The following TMEM114 variants were observed in gnomAD, a reference collection of about 807,000 sequenced individuals.
TMEM114 encodes transmembrane protein 114, also known as claudin-26.
TMEM114 carries 6 observed loss-of-function variants against 6.2 expected under a neutral mutation model. The ratio of observed to expected loss-of-function variants is 0.97; its 90% CI spans 0.53 to 1.91. The LOEUF (loss-of-function observed/expected upper bound fraction) is 1.91. Among genes scored for constraint, TMEM114 ranks in the 40% most tolerant of loss-of-function variants. The probability of loss-of-function intolerance (pLI) is 0.01; values close to 1 mark genes in which losing one functional copy is unlikely to be tolerated. For missense variants in TMEM114, 218 were observed against 158.3 expected, an observed-to-expected ratio of 1.38 and a Z score of -2.02; for synonymous variants, 104 against 73.0, an observed-to-expected ratio of 1.42 and a Z score of -2.16.
At chr16:8,560,890 G>T (rs1045917309) in intron 2 of TMEM114, among the ~76,000 whole-genome samples, 9 of 152,192 alleles carry the variant, frequency 5.9e-5, no homozygotes, top group African/African-American at 9.7e-5. Context: ...AAGAAAAAGA[G>T]ATTTAATGGA....
chr16:8,589,773 G>C lies in TMEM114; in HGVS notation c.66C>G (p.Leu22=). ...AALTGALSFV[L]LAAAIGTDFW... ...AGTCCGTGCCGATGGCGGCCGCCAG[G>C]AGCACAAAGCTGAGCGCCCCGGTCA... The change falls in exon 1 of 4, where the codon CTC becomes CTG. Residue 22 remains leucine, a synonymous_variant. Transcript: ENST00000620492. 2.5e-6 allele frequency: 1 copy of C among 398,530 alleles called. No homozygotes were observed. Among genetic ancestry groups the C allele is most frequent in the Non-Finnish European group, 4.4e-6 (1 of 226,054 alleles). 24.7% of individuals were successfully genotyped at this position (398,530 alleles called of 1,614,324 possible).
At chr16:8,541,975 C>T (rs985149535) in intron 2 of TMEM114, among the ~76,000 whole-genome samples, 3 of 152,142 alleles carry the variant, frequency 2.0e-5, no homozygotes, top group Non-Finnish European at 4.4e-5. Context: ...ATGAACTTTA[C>T]CTCTAAGGGA....
downstream of TMEM114, chr16:8,569,415 C>A: frequency 1.4e-5 from 15 of 1,078,108 alleles, no homozygotes; most frequent in Non-Finnish European, 1.6e-5. Flanking sequence ...CCCAGACCCA[C>A]CAAGGAGCTG....
At chr16:8,559,243 G>C (rs934588758) in intron 2 of TMEM114, among the ~76,000 whole-genome samples, 2 of 151,682 alleles carry the variant, frequency 1.3e-5, no homozygotes, top group African/African-American at 2.4e-5. Context: ...GGGTTTCACC[G>C]TGTTGGCCAG....
At chr16:8,549,163 C>A (rs112126536) in intron 2 of TMEM114, among the ~76,000 whole-genome samples, 10,132 of 115,086 alleles carry the variant, frequency 0.088, 437 homozygotes, top group South Asian at 0.19. Flanking sequence ...GCCTGGGCAA[C>A]AGAACGAGAC....
intron 2 of TMEM114, among the ~76,000 whole-genome samples, chr16:8,559,745 G>C (rs576495011): frequency 2.0e-4 from 30 of 152,186 alleles, no homozygotes; most frequent in Non-Finnish European, 3.8e-4. Context: ...GCTGAGCCCT[G>C]CAGTTGCGAT....
At chr16:8,564,235 TAGTGAATGAGTGAGTG>T (rs1421607231) in intron 2 of TMEM114, among the ~76,000 whole-genome samples, 35 of 48,708 alleles carry the variant, frequency 7.2e-4, no homozygotes, top group Admixed American at 1.1e-3. Context: ...ATGAGTGAGT[TAGTGAATGAGTGAGTG>T]AGTGAATGAG....
intron 2 of TMEM114, among the ~76,000 whole-genome samples, chr16:8,579,284 G>A (rs1481958289): frequency 1.3e-5 from 2 of 152,100 alleles, no homozygotes; most frequent in South Asian, 4.1e-4. Flanking sequence ...TCTTACCCCA[G>A]GAACATCAAA....
intron 3 of TMEM114, 107 bp from the exon 4 acceptor site, chr16:8,570,112 G>T (rs1348441533): frequency 1.4e-6 from 2 of 1,392,610 alleles, no homozygotes; most frequent in Non-Finnish European, 1.9e-6. Context: ...CAGCGTCCTC[G>T]CTCCTTCCTG....
downstream of TMEM114, among the ~76,000 whole-genome samples, chr16:8,533,820 G>T (rs1341895812): frequency 1.3e-5 from 2 of 152,174 alleles, no homozygotes; most frequent in African/African-American, 4.8e-5. Flanking sequence ...GTCTCAGATG[G>T]GTTTCCTGTG....
rs182684917 is a variant in TMEM114, at chr16:8,574,141, G to A, written c.302-1917C>T. On this transcript the variant is annotated intron_variant, in intron 2 of 3. Coordinates refer to ENST00000620492, the MANE Select transcript of TMEM114 (RefSeq NM_001146336.2). ...GATGAAGAATATAGACGTCAGAGCCGGATTATTTGCACTCTAATTCAGGCT... is the reference window on the plus strand; with the variant it reads ...GATGAAGAATATAGACGTCAGAGCCAGATTATTTGCACTCTAATTCAGGCT... Among the ~76,000 whole-genome samples, 359 of 152,194 alleles carry A rather than the reference G, an allele frequency of 2.4e-3. 1 individual carries two copies. The highest frequency in any genetic ancestry group is 0.011 in the South Asian group (51 of 4,820).
chr16:8,565,070 T>C (rs530781875), downstream of TMEM114, among the ~76,000 whole-genome samples: 5 of 151,948 alleles, frequency 3.3e-5, no homozygotes, highest in African/African-American at 1.2e-4. Flanking sequence ...AGTGAATGAG[T>C]GAGTGAGTGA....
intron 2 of TMEM114, among the ~76,000 whole-genome samples, chr16:8,558,758 T>C (rs1345312606): frequency 1.5e-5 from 2 of 135,742 alleles, no homozygotes; most frequent in South Asian, 2.4e-4. Flanking sequence ...TTTTTTTTTT[T>C]CGACATGGAG....
intron 2 of TMEM114, among the ~76,000 whole-genome samples, chr16:8,545,072 C>A (rs13331113): frequency 0.62 from 93,585 of 151,858 alleles, 29,853 homozygotes; most frequent in African/African-American, 0.76. Flanking sequence ...TCTTTTGTTT[C>A]ATCAGGCCTA....
chr16:8,561,836 ATGAG>A (rs1318537909), intron 2 of TMEM114, among the ~76,000 whole-genome samples: 2 of 150,994 alleles, frequency 1.3e-5, no homozygotes, highest in African/African-American at 2.5e-5. Flanking sequence ...GAGTGAGTGA[ATGAG>A]TGAGTGAATG....
intron 2 of TMEM114, among the ~76,000 whole-genome samples, chr16:8,549,087 C>T (rs141700145): frequency 1.5e-3 from 219 of 144,702 alleles, no homozygotes; most frequent in African/African-American, 5.3e-3. Context: ...GAGGCTGAGG[C>T]AGGAGAATGG....
At chr16:8,543,407 C>T (rs1790911415) in intron 2 of TMEM114, among the ~76,000 whole-genome samples, 1 of 151,902 alleles carries the variant, frequency 6.6e-6, no homozygotes, top group Admixed American at 6.6e-5. Context: ...ACCTGCTTTC[C>T]CTACCTACCA....
chr16:8,546,018 G>C (rs1449740009), intron 2 of TMEM114, among the ~76,000 whole-genome samples: 2 of 152,188 alleles, frequency 1.3e-5, no homozygotes. Flanking sequence ...TGGAGGCTGA[G>C]GCGGGAGGAT....
Position 8,569,862 on chromosome 16 carries a change from T to C in TMEM114, c.583A>G (p.Ser195Gly), listed in dbSNP as rs1901668942. Reference sequence around the variant, plus strand: ...CCGGTGAGCAGCTCGGCGATGAAGCTGATCCAGCCCAGGGCCAGGGACCAG... The same window carrying C: ...CCGGTGAGCAGCTCGGCGATGAAGCCGATCCAGCCCAGGGCCAGGGACCAG... ...FGWSLALGWI[S>G]FIAELLTGAA... The change falls in exon 4 of 4, where the codon AGC becomes GGC. Residue 195 changes from serine (S) to glycine (G), a missense_variant. By Grantham distance (56) the Ser-to-Gly change is moderately conservative (BLOSUM62 0). Coordinates refer to ENST00000620492, the MANE Select transcript of TMEM114 (RefSeq NM_001146336.2). The C allele has an allele frequency of 6.4e-7, 1 of 1,550,984 alleles. No homozygotes were observed. Among genetic ancestry groups the C allele is most frequent in the South Asian group, 1.2e-5 (1 of 84,068 alleles).
Sources: allele counts gnomAD v4.1 joint callset (sites outside exome capture counted in the v4.1 genomes callset), GRCh38; gene constraint gnomAD v4.1.1; transcripts MANE v1.5; gene names NCBI Gene and HGNC (gene_info 2026-07-23, HGNC 2026-07-21).